The following UPF2 variants were observed in gnomAD, a reference collection of about 807,000 sequenced individuals.
The protein encoded by UPF2 is regulator of nonsense transcripts 2.
UPF2 carries 17 observed loss-of-function variants against 141.4 expected under a neutral mutation model. The observed-to-expected ratio is 0.12, with a 90% CI of 0.08 to 0.18. The LOEUF (loss-of-function observed/expected upper bound fraction) is 0.18, where lower values mean the gene tolerates loss of function less well. UPF2 is among the 10% of genes least tolerant of loss of function. The probability of loss-of-function intolerance (pLI) is 1.00; values close to 1 mark genes in which losing one functional copy is unlikely to be tolerated. For missense variants in UPF2, 1,152 were observed against 1,515.9 expected (o/e 0.76, Z 3.99); for synonymous variants, 540 against 498.0 (o/e 1.08, Z -1.12).
intron 8 of UPF2, among the ~76,000 whole-genome samples, chr10:11,991,629 G>GAA (rs894357206): frequency 6.8e-6 from 1 of 146,044 alleles, no homozygotes; most frequent in African/African-American, 2.5e-5. Context: ...TTTAAGAGAG[G>GAA]AAAAAAAAAA....
rs1011305164 is a variant in UPF2, at chr10:11,939,768, C to G, written c.3378+2897G>C. ...CTGACCTCAGGTGATCCACCCGCCTCGGCCTCCCAAAGTGCTGGGATTACA... is the reference window on the plus strand; with the variant it reads ...CTGACCTCAGGTGATCCACCCGCCTGGGCCTCCCAAAGTGCTGGGATTACA... On this transcript the variant is annotated intron_variant, in intron 18 of 21. Coordinates refer to ENST00000357604, the MANE Select transcript of UPF2 (RefSeq NM_015542.4). This position sits in a 1 kb window ranked among gnomAD's most constrained non-coding sequence, Gnocchi z 4.8. Among the ~76,000 whole-genome samples, 14 of 152,080 alleles carry G rather than the reference C, an allele frequency of 9.2e-5. No individual in the cohort carries two copies.
chr10:11,931,297 A>C lies in UPF2; in HGVS notation c.3688+344T>G, dbSNP rs1162036353. Among the ~76,000 whole-genome samples the C allele has an allele frequency of 1.3e-5, 2 of 152,178 alleles. No individual in the cohort carries two copies. The highest frequency in any genetic ancestry group is 6.5e-5 in the Admixed American group (1 of 15,280). Reference sequence around the variant, plus strand: ...TGTTTGCACAATGATGAAATTGCCTAATGTCACATTTTTTAGAATGCATCC... The same window carrying C: ...TGTTTGCACAATGATGAAATTGCCTCATGTCACATTTTTTAGAATGCATCC... On this transcript the variant is annotated intron_variant, in intron 20 of 21. Transcript: ENST00000357604. This position sits in a 1 kb window ranked among gnomAD's most constrained non-coding sequence, Gnocchi z 5.9.
rs1278819552 is a variant in UPF2 at position 11,997,820 on chromosome 10, CT to C, written c.1759-64del. 27 of 1,408,182 alleles carry C rather than the reference CT, an allele frequency of 1.9e-5. No individual in the cohort carries two copies. In the Admixed American group the frequency reaches 4.6e-4, roughly 24 times the overall value. 87.2% of individuals were successfully genotyped at this position (1,408,182 alleles called of 1,614,324 possible). On this transcript the variant is annotated intron_variant, in intron 7 of 21. Transcript: ENST00000357604. ...TAATTAGTTACGGAGAGCAGAAATCCTGCCTACTATGATATTTTTATTTGTT... is the reference window on the plus strand; with the variant it reads ...TAATTAGTTACGGAGAGCAGAAATCCGCCTACTATGATATTTTTATTTGTT...
chr10:11,942,653 G>A lies in UPF2; in HGVS notation c.3378+12C>T, dbSNP rs757167329. 2 of 1,609,938 alleles carry A rather than the reference G, an allele frequency of 1.2e-6. No individual in the cohort carries two copies. The highest frequency in any genetic ancestry group is 1.3e-5 in the African/African-American group (1 of 74,840). On this transcript the variant is annotated intron_variant, in intron 18 of 21. Coordinates refer to ENST00000357604, the MANE Select transcript of UPF2 (RefSeq NM_015542.4). Reference sequence around the variant, plus strand: ...ATTGAGAAGAGTCTTTGAAACAAATGACATTTAATACCTGTAGATTTTCTA... The same window carrying A: ...ATTGAGAAGAGTCTTTGAAACAAATAACATTTAATACCTGTAGATTTTCTA...
intron 11 of UPF2, among the ~76,000 whole-genome samples, chr10:11,960,796 A>T (rs1424714511): frequency 6.6e-6 from 1 of 151,652 alleles, no homozygotes; most frequent in Middle Eastern, 3.2e-3. Flanking sequence ...AATAAGAAAG[A>T]AAGAAAGGAA....
chr10:11,928,829 T>C (rs1441483987), intron 21 of UPF2: 2 of 184,058 alleles, frequency 1.1e-5, no homozygotes, highest in South Asian at 7.7e-5. Context: ...GTGGAACTGG[T>C]AGGAATTCCA....
chr10:11,932,940 C>T (rs1832800524), intron 19 of UPF2, among the ~76,000 whole-genome samples: 2 of 152,076 alleles, frequency 1.3e-5, no homozygotes, highest in Admixed American at 6.6e-5. Context: ...CTATGTTATG[C>T]ATTTGTTTGA....
intron 2 of UPF2, 60 bp from the exon 3 acceptor site, chr10:12,029,584 A>G: frequency 6.7e-7 from 1 of 1,485,236 alleles, no homozygotes. Context: ...TTATACACAA[A>G]TCCCCTAAGA....
Position 12,019,386 on chromosome 10 carries a change from A to G in UPF2, c.1146-5202T>C, listed in dbSNP as rs1834277850. ...ACATTCTACTTTTGACTATTTTTCA[A>G]CCATTTAAAAAAGTAAAAACCATTC... On this transcript the variant is annotated intron_variant, in intron 3 of 21. Transcript: ENST00000357604. This position sits in a 1 kb window ranked among gnomAD's most constrained non-coding sequence, Gnocchi z 4.5. Among the ~76,000 whole-genome samples, 1 of 152,250 alleles carries G rather than the reference A, an allele frequency of 6.6e-6. No individual in the cohort carries two copies. Among genetic ancestry groups the G allele is most frequent in the South Asian group, 2.1e-4 (1 of 4,836 alleles).
intron 14 of UPF2, among the ~76,000 whole-genome samples, chr10:11,954,744 C>T (rs545638696): frequency 3.2e-4 from 47 of 147,676 alleles, no homozygotes; most frequent in East Asian, 2.0e-3. Context: ...GGGAGGCTGA[C>T]GCGGGAGGTT....
chr10:11,990,028 T>C lies in UPF2; in HGVS notation c.1844+7644A>G, dbSNP rs546623957. On this transcript the variant is annotated intron_variant, in intron 8 of 21. Transcript: ENST00000357604. ...AAAGCTGAAAATAGTTTTTCAGTTA[T>C]AGGAAGCTAGAATGATATTAATGTA... is the stretch of plus-strand genomic sequence containing the variant. Among the ~76,000 whole-genome samples the C allele has an allele frequency of 7.9e-5, 12 of 152,304 alleles. No homozygotes were observed. In the South Asian group the frequency reaches 8.3e-4, roughly 11 times the overall value.
intron 9 of UPF2, among the ~76,000 whole-genome samples, chr10:11,975,069 G>A (rs554396015): frequency 6.6e-6 from 1 of 152,168 alleles, no homozygotes; most frequent in Non-Finnish European, 1.5e-5. Flanking sequence ...TTTTTAAAAT[G>A]TCAATGACTG....
intron 13 of UPF2, 104 bp from the exon 14 acceptor site, chr10:11,955,611 C>A: frequency 8.9e-7 from 1 of 1,128,902 alleles, no homozygotes; most frequent in African/African-American, 1.6e-5. Context: ...ACTGAAAGAA[C>A]ACTGAATAGA....
In UPF2 at chr10:11,939,860, T is replaced by C. The variant is rs754911302; in HGVS notation, c.3378+2805A>G. Among the ~76,000 whole-genome samples, 3 of 152,194 alleles carry C rather than the reference T, an allele frequency of 2.0e-5. No homozygotes were observed. The highest frequency in any genetic ancestry group is 2.9e-5 in the Non-Finnish European group (2 of 68,028). ...GAGCATTTCACTCATTTCCTGAAAATCTGTTAGCTATTTTGCTTATTCTTA... is the reference window on the plus strand; with the variant it reads ...GAGCATTTCACTCATTTCCTGAAAACCTGTTAGCTATTTTGCTTATTCTTA... On this transcript the variant is annotated intron_variant, in intron 18 of 21. Transcript: ENST00000357604. This position sits in a 1 kb window ranked among gnomAD's most constrained non-coding sequence, Gnocchi z 4.8.
chr10:11,988,385 T>C (rs1833728791), intron 8 of UPF2, among the ~76,000 whole-genome samples: 2 of 152,256 alleles, frequency 1.3e-5, no homozygotes, highest in South Asian at 4.1e-4. Flanking sequence ...GAGACCAGAG[T>C]GCACGAACTT....
chr10:11,947,032 T>A (rs1233597771), intron 16 of UPF2, among the ~76,000 whole-genome samples: 1 of 152,172 alleles, frequency 6.6e-6, no homozygotes, highest in Non-Finnish European at 1.5e-5. Context: ...TGAAACCCCA[T>A]CTCTACTAAA....
rs530076027 is a variant in UPF2 at position 11,998,535 on chromosome 10, G to A, written c.1759-778C>T. Among the ~76,000 whole-genome samples, 1 of 152,138 alleles carries A rather than the reference G, an allele frequency of 6.6e-6. No homozygotes were observed. Among genetic ancestry groups the A allele is most frequent in the South Asian group, 2.1e-4 (1 of 4,822 alleles). ...CAAGCAGCTGAGACTATAGGCATGTGTAGTTAAGGTTGAAACATAATAAAA... is the reference window on the plus strand; with the variant it reads ...CAAGCAGCTGAGACTATAGGCATGTATAGTTAAGGTTGAAACATAATAAAA... On this transcript the variant is annotated intron_variant, in intron 7 of 21. Transcript: ENST00000357604. The surrounding 1 kb of genome is among the most constrained non-coding windows in gnomAD (Gnocchi z 4.5).
At chr10:11,985,913 C>G (rs1192995369) in intron 8 of UPF2, among the ~76,000 whole-genome samples, 2 of 50,506 alleles carry the variant, frequency 4.0e-5, no homozygotes, top group East Asian at 2.6e-3. Context: ...GAGACGGAAT[C>G]TCGCTGTGTC....
At chr10:11,934,801 G>A (rs977450214) in intron 19 of UPF2, among the ~76,000 whole-genome samples, 7 of 152,094 alleles carry the variant, frequency 4.6e-5, no homozygotes, top group African/African-American at 1.4e-4. Flanking sequence ...TGTTGGTCAG[G>A]CTGGTCTTGA....
Sources: allele counts gnomAD v4.1 joint callset (sites outside exome capture counted in the v4.1 genomes callset), GRCh38; gene constraint gnomAD v4.1.1; non-coding constraint Gnocchi (gnomAD v3.1); transcripts MANE v1.5; gene names NCBI Gene and HGNC (gene_info 2026-07-23, HGNC 2026-07-21).